Variants in LRRK2 observed in about 807,000 individuals in gnomAD.
LRRK2 encodes the protein leucine-rich repeat serine/threonine-protein kinase 2.
In LRRK2, 203 loss-of-function variants were observed where a neutral mutation model predicts 302.6. That is an observed-to-expected ratio of 0.67 (90% CI 0.60 to 0.75). LRRK2 has a LOEUF of 0.75. Ranked by LOEUF, LRRK2 falls within the 30% of genes least tolerant of loss-of-function variation. LRRK2 has a pLI of 0.00. For missense variants in LRRK2, 2,830 were observed against 2,951.0 expected (o/e 0.96, Z 0.95); for synonymous variants, 1,066 against 1,031.9 (o/e 1.03, Z -0.63).
At chr12:40,235,480 A>G (rs1941408262) in intron 3 of LRRK2, 146 bp from the exon 4 acceptor site, 1 of 656,324 alleles carries the variant, frequency 1.5e-6, no homozygotes, top group African/African-American at 1.8e-5. Context: ...TGTCTCTAAA[A>G]GCAGGCAACA....
intron 33 of LRRK2, among the ~76,000 whole-genome samples, chr12:40,317,611 G>A (rs972136201): frequency 8.5e-5 from 13 of 152,144 alleles, no homozygotes; most frequent in African/African-American, 2.9e-4. Flanking sequence ...ATATGAAAGA[G>A]ACCTATTCAA....
At position 40,305,139 on chromosome 12, in the gene LRRK2, C is replaced by T. The variant is rs934384788; in HGVS notation, c.3778-646C>T. Among the ~76,000 whole-genome samples the T allele has an allele frequency of 5.3e-5, 8 of 152,142 alleles. No homozygotes were observed. The South Asian group carries it at 1.7e-3, about 31-fold the overall frequency. ...AATCTGAAATTGATAATTTGTTTGT[C>T]TCAGAAAATATTATTTTTCAAGTTC... On this transcript the variant is annotated intron_variant, in intron 27 of 50. Transcript: ENST00000298910.
At chr12:40,237,874 C>T (rs1231608881) in intron 4 of LRRK2, 95 bp from the exon 5 acceptor site, 2 of 1,338,460 alleles carry the variant, frequency 1.5e-6, no homozygotes, top group East Asian at 2.3e-5. Context: ...ACAAACCATT[C>T]ACAGTCTTCA....
intron 18 of LRRK2, among the ~76,000 whole-genome samples, chr12:40,278,796 C>G (rs1943565165): frequency 6.6e-6 from 1 of 152,134 alleles, no homozygotes; most frequent in African/African-American, 2.4e-5. Context: ...AAACATATAT[C>G]TATCTGATTG....
At position 40,278,179 on chromosome 12, in the gene LRRK2, A is replaced by G. The variant is rs71653639; in HGVS notation, c.2159A>G (p.Asn720Ser). ...ATGCTAGAGAGAGCGTGTGATCAGA[A>G]TAACAGCATCATGGTTGAATGCTTG... ...NVMLERACDQ[N>S]NSIMVECLLL... Residue 720 changes from asparagine (N) to serine (S), a missense_variant, in exon 18 of 51, where the codon AAT becomes AGT. By Grantham distance (46) the Asn-to-Ser change is conservative. This residue lies in a region of LRRK2 where 2,121 missense variants were observed against 2,148.0 expected (regional missense o/e 0.99). Coordinates refer to ENST00000298910, the MANE Select transcript of LRRK2 (RefSeq NM_198578.4). The G allele has an allele frequency of 6.9e-5, 111 of 1,614,040 alleles. No individual in the cohort carries two copies. Among genetic ancestry groups the G allele is most frequent in the Non-Finnish European group, 9.0e-5 (106 of 1,180,014 alleles).
At chr12:40,288,572 A>AT (rs1357040037) in intron 20 of LRRK2, among the ~76,000 whole-genome samples, 1 of 151,882 alleles carries the variant, frequency 6.6e-6, no homozygotes, top group Non-Finnish European at 1.5e-5. Flanking sequence ...CCAGCAGTAC[A>AT]TGAGCATTCT....
intron 8 of LRRK2, 113 bp from the exon 9 acceptor site, chr12:40,251,119 T>G (rs894832105): frequency 6.0e-5 from 42 of 700,120 alleles, no homozygotes; most frequent in Non-Finnish European, 8.1e-5. Flanking sequence ...AGGCTTCTCC[T>G]AAAGCACACC....
intron 7 of LRRK2, among the ~76,000 whole-genome samples, chr12:40,246,759 C>A (rs370915096): frequency 1.3e-5 from 2 of 152,124 alleles, no homozygotes; most frequent in Admixed American, 6.6e-5. Flanking sequence ...CTGGTTGAGA[C>A]CTTACCTTGC....
chr12:40,311,430 C>A (rs1945035003), intron 31 of LRRK2, among the ~76,000 whole-genome samples: 1 of 151,928 alleles, frequency 6.6e-6, no homozygotes, highest in African/African-American at 2.4e-5. Flanking sequence ...TGAAAAATAC[C>A]CTTGATAGTT....
intron 50 of LRRK2, chr12:40,367,442 G>A (rs1357350034): frequency 2.3e-6 from 1 of 434,148 alleles, no homozygotes; most frequent in Non-Finnish European, 4.0e-6. Flanking sequence ...TACTCTATTT[G>A]AAATTTAATA....
chr12:40,354,756 A>C (rs1470304319), intron 45 of LRRK2, among the ~76,000 whole-genome samples: 1 of 152,234 alleles, frequency 6.6e-6, no homozygotes, highest in Non-Finnish European at 1.5e-5. Context: ...CTGTGGCTCT[A>C]TCTCTTTACT....
At chr12:40,321,952 A>G in intron 35 of LRRK2, 83 bp from the exon 36 acceptor site, 1 of 1,349,882 alleles carries the variant, frequency 7.4e-7, no homozygotes, top group Non-Finnish European at 1.1e-6. Context: ...ATAGATCTGT[A>G]TTACAATCAC....
chr12:40,258,317 T>G (rs769482655), intron 12 of LRRK2, among the ~76,000 whole-genome samples: 1 of 152,182 alleles, frequency 6.6e-6, no homozygotes. Context: ...GTTTTTAACA[T>G]CAGTCTAACT....
At chr12:40,325,294 A>G (rs963869377) in intron 38 of LRRK2, among the ~76,000 whole-genome samples, 9 of 152,212 alleles carry the variant, frequency 5.9e-5, no homozygotes, top group African/African-American at 2.2e-4. Flanking sequence ...AAAACAAAAC[A>G]AAAAACAAAA....
rs188823150 is a variant in LRRK2 at position 40,275,076 on chromosome 12, G to A, written c.1941+83G>A. 2.1e-6 allele frequency: 3 copies of A among 1,422,478 alleles called. No homozygotes were observed. In the Admixed American group the frequency reaches 5.0e-5, roughly 24 times the overall value. 88.1% of individuals were successfully genotyped at this position (1,422,478 alleles called of 1,614,324 possible). A position where few individuals can be genotyped will look rare whatever the true frequency, so the allele number is the denominator to read the frequency against. On this transcript the variant is annotated intron_variant, in intron 16 of 50. Coordinates refer to ENST00000298910, the MANE Select transcript of LRRK2 (RefSeq NM_198578.4). Reference sequence around the variant, plus strand: ...AGTTTGTGTAATTCCCACTTTGCATGAATGGGGTATTCTAGTTAATGGAAA... The same window carrying A: ...AGTTTGTGTAATTCCCACTTTGCATAAATGGGGTATTCTAGTTAATGGAAA...
At chr12:40,315,137 A>T (rs1028480336) in intron 32 of LRRK2, 75 bp from the exon 33 acceptor site, 1 of 1,204,702 alleles carries the variant, frequency 8.3e-7, no homozygotes, top group African/African-American at 1.5e-5. Context: ...AGGAAGTTGG[A>T]CTAGATTTTT....
intron 27 of LRRK2, chr12:40,304,617 G>A (rs1229934796): frequency 6.4e-6 from 1 of 157,460 alleles, no homozygotes; most frequent in African/African-American, 2.4e-5. Flanking sequence ...AAACAACTTA[G>A]AACGCTTTGC....
At chr12:40,314,685 A>G (rs915163320) in intron 32 of LRRK2, among the ~76,000 whole-genome samples, 2 of 152,016 alleles carry the variant, frequency 1.3e-5, no homozygotes. Flanking sequence ...AAGCAACTTC[A>G]GTGCTAATTG....
chr12:40,291,317 A>G (rs1944145464), intron 20 of LRRK2, among the ~76,000 whole-genome samples: 1 of 151,912 alleles, frequency 6.6e-6, no homozygotes. Context: ...ATTAGGAGAT[A>G]CACCTAATGT....
Sources: gnomAD v4.1 joint callset for allele counts (sites outside exome capture counted in the v4.1 genomes callset) on GRCh38, gnomAD v4.1.1 for gene constraint, gnomAD v4.1.1 regional missense constraint, MANE v1.5 for transcripts, NCBI Gene and HGNC (gene_info 2026-07-23, HGNC 2026-07-21) for gene names.